Variants in GUK1 observed in about 807,000 individuals in gnomAD.
The protein encoded by GUK1 is guanylate kinase.
Under a neutral mutation model 25.2 loss-of-function variants are expected in GUK1, and 18 were observed. The observed-to-expected ratio is 0.71, with a 90% CI of 0.49 to 1.06. GUK1 has a LOEUF of 1.06. Ranked by LOEUF, GUK1 falls within the 50% of genes least tolerant of loss-of-function variation. The pLI, the probability that GUK1 is intolerant of heterozygous loss-of-function variation, is 0.00. For missense variants in GUK1, 261 were observed against 276.7 expected, an observed-to-expected ratio of 0.94 and a Z score of 0.40; for synonymous variants, 105 against 117.6, an observed-to-expected ratio of 0.89 and a Z score of 0.69.
intron 3 of GUK1, 110 bp downstream of exon 2, chr1:228,145,734 G>T: frequency 7.5e-7 from 1 of 1,331,398 alleles, no homozygotes; most frequent in Non-Finnish European, 1.0e-6. Flanking sequence ...CCACCCTGCA[G>T]ACTGTCCGAA....
At chr1:228,142,174 C>T in intron 2 of GUK1, among the ~76,000 whole-genome samples, 1 of 152,258 alleles carries the variant, frequency 6.6e-6, no homozygotes, top group East Asian at 1.9e-4. Context: ...TTCTGCAAGG[C>T]CCGCATCCAC....
rs2034027080 is a variant in GUK1, at chr1:228,141,280, C to T, written c.-11C>T. On this transcript the variant is annotated 5_prime_UTR_variant, in exon 2 of 9. Transcript: ENST00000312726. ...CTGTGGCTCTGGAAGAGCCCGATTTCCTCAGGAGGTAAAGGAATGTTCCTG... is the reference window on the plus strand; with the variant it reads ...CTGTGGCTCTGGAAGAGCCCGATTTTCTCAGGAGGTAAAGGAATGTTCCTG... 1.0e-6 allele frequency: 1 copy of T among 982,394 alleles called. No individual in the cohort carries two copies. The highest frequency in any genetic ancestry group is 1.2e-6 in the Non-Finnish European group (1 of 827,192). 60.9% of individuals were successfully genotyped at this position (982,394 alleles called of 1,614,324 possible). A position where few individuals can be genotyped will look rare whatever the true frequency, so the allele number is the denominator to read the frequency against.
chr1:228,145,748 T>G, intron 3 of GUK1, 124 bp downstream of exon 2: 1 of 1,164,812 alleles, frequency 8.6e-7, no homozygotes, highest in Non-Finnish European at 1.2e-6. Context: ...GTCCGAACTC[T>G]TGCACACTCC....
At chr1:228,147,026 C>T in intron 5 of GUK1, 88 bp downstream of exon 4, 2 of 872,118 alleles carry the variant, frequency 2.3e-6, no homozygotes, top group Middle Eastern at 2.6e-4. Flanking sequence ...CCGCCATCCA[C>T]ACCACCCACC....
intron 2 of GUK1, among the ~76,000 whole-genome samples, chr1:228,143,925 G>C (rs531568774): frequency 6.6e-6 from 1 of 152,346 alleles, no homozygotes; most frequent in African/African-American, 2.4e-5. Flanking sequence ...ATGGACTTCT[G>C]GGTGGGTGTC....
At chr1:228,141,531 GC>G in intron 2 of GUK1, 1 of 648,810 alleles carries the variant, frequency 1.5e-6, no homozygotes, top group Non-Finnish European at 2.0e-6. Flanking sequence ...GAGAGGCCAG[GC>G]GGGGGCTGAA....
At chr1:228,148,063 C>T in intron 7 of GUK1, 1 of 575,436 alleles carries the variant, frequency 1.7e-6, no homozygotes. Flanking sequence ...GACTGCAGCC[C>T]ACAAGAAGAG....
intron 2 of GUK1, chr1:228,141,690 G>A: frequency 7.8e-7 from 1 of 1,286,714 alleles, no homozygotes; most frequent in Non-Finnish European, 1.0e-6. Flanking sequence ...TGCCTTTCCA[G>A]GAAAGCGGCT....
At chr1:228,143,398 T>C (rs1209170849) in intron 2 of GUK1, among the ~76,000 whole-genome samples, 1 of 152,226 alleles carries the variant, frequency 6.6e-6, no homozygotes, top group Non-Finnish European at 1.5e-5. Flanking sequence ...ATGATTTAGC[T>C]TTACTTTTTC....
In GUK1 at chr1:228,146,550, C is replaced by T. The variant is rs769335304; in HGVS notation, c.155-292C>T. ...CTCCAGTTCCCCCACCACCTTCCCC[C>T]AGAACCTGTTGGTCTCCAGTCCCCA... On this transcript the variant is annotated intron_variant, in intron 4 of 8. Coordinates refer to ENST00000312726, the MANE Select transcript of GUK1 (RefSeq NM_000858.7). The T allele has an allele frequency of 6.7e-4, 333 of 497,272 alleles. 3 individuals are homozygous for T. Among genetic ancestry groups the T allele is most frequent in the Admixed American group, 1.9e-4 (6 of 30,810 alleles). The allele number at this position is 497,272 out of a possible 1,614,324, so 30.8% of individuals were successfully genotyped here.
intron 2 of GUK1, among the ~76,000 whole-genome samples, chr1:228,142,246 C>A (rs979745066): frequency 6.6e-6 from 1 of 152,280 alleles, no homozygotes; most frequent in African/African-American, 2.4e-5. Flanking sequence ...CTCATTGTGC[C>A]CTCACGCTTG....
chr1:228,145,662 C>A (rs748265827), intron 3 of GUK1, 38 bp downstream of exon 2: 2 of 1,599,948 alleles, frequency 1.3e-6, no homozygotes, highest in South Asian at 2.3e-5. Context: ...GCGTAGACCT[C>A]AAGGCTGCTG....
chr1:228,146,781 G>A lies in GUK1; in HGVS notation c.155-61G>A. On this transcript the variant is annotated intron_variant, in intron 4 of 8. Transcript: ENST00000312726. ...AGGCATGCCTGGGTTGGGGGCAGCT[G>A]GCCCTGGGCACCCTGGTGCAGGTCC... 14 of 1,118,662 alleles carry A rather than the reference G, an allele frequency of 1.3e-5. No homozygotes were observed. The South Asian group carries it at 1.7e-4, about 14-fold the overall frequency. The allele number at this position is 1,118,662 out of a possible 1,614,324, so 69.3% of individuals were successfully genotyped here.
intron 2 of GUK1, among the ~76,000 whole-genome samples, chr1:228,144,080 GTGTT>G (rs372095015): frequency 2.4e-4 from 34 of 143,384 alleles, no homozygotes; most frequent in Admixed American, 7.6e-4. Context: ...ATTTGTGTGT[GTGTT>G]TGTGTGTGCA....
Position 228,147,400 on chromosome 1 carries a change from C to A in GUK1, c.252-6C>A. On this transcript the variant is annotated splice_polypyrimidine_tract_variant and splice_region_variant and intron_variant, in intron 5 of 8. Coordinates refer to ENST00000312726, the MANE Select transcript of GUK1 (RefSeq NM_000858.7). ...GCACCCCTGCTGACCTGGCACCTCT[C>A]CCCAGCAAGGTGGCGGTGCAGGCCG... 6.2e-7 allele frequency: 1 copy of A among 1,608,442 alleles called. No individual in the cohort carries two copies. Among genetic ancestry groups the A allele is most frequent in the Non-Finnish European group, 8.5e-7 (1 of 1,178,194 alleles).
intron 2 of GUK1, chr1:228,144,697 G>T: frequency 1.0e-6 from 1 of 984,662 alleles, no homozygotes; most frequent in African/African-American, 1.7e-5. Context: ...CCAGCTCTCA[G>T]TCCAGCAGAC....
In GUK1 at chr1:228,146,924, C is replaced by G. The variant is rs753634322; in HGVS notation, c.237C>G (p.Asn79Lys). 6.2e-7 allele frequency: 1 copy of G among 1,612,474 alleles called. No individual in the cohort carries two copies. The highest frequency in any genetic ancestry group is 8.5e-7 in the Non-Finnish European group (1 of 1,178,546). The change falls in exon 5 of 9, where the codon AAC becomes AAG. Residue 79 changes from asparagine to lysine, a missense_variant. Transcript: ENST00000312726. ...TCGAGCATGCCGAGTTCTCGGGGAA[C>G]CTGTATGGCACGAGGTGGGCCATGC...
At chr1:228,148,234 G>A (rs1334270893) in intron 7 of GUK1, 137 bp from the exon 7 acceptor site, 2 of 735,326 alleles carry the variant, frequency 2.7e-6, no homozygotes, top group Non-Finnish European at 5.0e-6. Flanking sequence ...CCCTGCACAG[G>A]CCCGGCTGGG....
intron 8 of GUK1, 64 bp from the exon 8 acceptor site, chr1:228,148,601 G>A: frequency 6.8e-7 from 1 of 1,477,210 alleles, no homozygotes; most frequent in Non-Finnish European, 9.4e-7. Context: ...GGTGGAGGGA[G>A]AGCAGGAAGC....
Sources: gnomAD v4.1 joint callset for allele counts (sites outside exome capture counted in the v4.1 genomes callset) on GRCh38, gnomAD v4.1.1 for gene constraint, MANE v1.5 for transcripts, NCBI Gene and HGNC (gene_info 2026-07-23, HGNC 2026-07-21) for gene names.